Variants in OR56A3 observed in about 807,000 individuals in gnomAD.
The protein encoded by OR56A3 is olfactory receptor 56A3.
A neutral mutation model predicts 17.5 loss-of-function variants in OR56A3; 23 were observed. The observed-to-expected ratio is 1.32, with a 90% CI of 0.95 to 1.87. OR56A3 has a LOEUF of 1.87. OR56A3 is among the 40% of genes most tolerant of loss of function. OR56A3 has a pLI of 0.00. For missense variants in OR56A3, 366 were observed against 380.1 expected (o/e 0.96, Z 0.31); for synonymous variants, 175 against 150.6 (o/e 1.16, Z -1.19).
At chr11:5,966,008 T>C in the OR56A3 span, among the ~76,000 whole-genome samples, 1 of 152,032 alleles carries the variant, frequency 6.6e-6, no homozygotes, top group East Asian at 1.9e-4. Flanking sequence ...TTAGGATCAG[T>C]CTTTGAAGTT....
At chr11:6,007,488 T>C in the OR56A3 span, among the ~76,000 whole-genome samples, 4 of 152,202 alleles carry the variant, frequency 2.6e-5, no homozygotes, top group Non-Finnish European at 5.9e-5. Context: ...TGTAAAGCAA[T>C]GGATGTGCTA....
At chr11:5,986,740 A>G in the OR56A3 span, 4 of 1,613,862 alleles carry the variant, frequency 2.5e-6, no homozygotes. Context: ...GATGATGAAG[A>G]GAATGGTAAC....
At chr11:5,974,368 G>T in the OR56A3 span, among the ~76,000 whole-genome samples, 11 of 152,062 alleles carry the variant, frequency 7.2e-5, no homozygotes, top group Non-Finnish European at 8.8e-5. Context: ...GCCTCTCAAA[G>T]TGCTAGGATT....
At chr11:5,990,056 C>A in the OR56A3 span, among the ~76,000 whole-genome samples, 1 of 152,142 alleles carries the variant, frequency 6.6e-6, no homozygotes, top group Admixed American at 6.5e-5. Context: ...TATTGTAATG[C>A]CTTTACCACT....
chr11:6,011,480 T>G, the OR56A3 span, among the ~76,000 whole-genome samples: 1 of 144,170 alleles, frequency 6.9e-6, no homozygotes, highest in Non-Finnish European at 1.5e-5. Context: ...TCTAGATACC[T>G]GTATTTTATC....
chr11:5,962,666 G>A, the OR56A3 span, among the ~76,000 whole-genome samples: 1 of 151,802 alleles, frequency 6.6e-6, no homozygotes, highest in Non-Finnish European at 1.5e-5. Context: ...AGCCTCCCGA[G>A]TAGCTGGGAC....
the OR56A3 span, chr11:5,986,750 C>A: frequency 6.2e-6 from 10 of 1,613,976 alleles, no homozygotes; most frequent in Non-Finnish European, 8.5e-6. Context: ...AGAATGGTAA[C>A]ATTGCCCACT....
At chr11:6,002,332 A>G in the OR56A3 span, 1 of 1,614,180 alleles carries the variant, frequency 6.2e-7, no homozygotes, top group South Asian at 1.1e-5. Flanking sequence ...ATAAAAGAAT[A>G]GGAGATAACA....
At chr11:6,001,956 A>C in the OR56A3 span, 1 of 1,280,282 alleles carries the variant, frequency 7.8e-7, no homozygotes, top group Non-Finnish European at 1.1e-6. Context: ...CAGGATTTAA[A>C]GTGAAATTTC....
At chr11:6,000,764 C>T in the OR56A3 span, 2 of 152,136 alleles carry the variant, frequency 1.3e-5, no homozygotes, top group African/African-American at 4.8e-5. Context: ...ATGAGCAGCT[C>T]ATTTTGGCTA....
the OR56A3 span, among the ~76,000 whole-genome samples, chr11:6,015,008 A>AAAAAAAAAAAAAAAAAAAAAAAAG: frequency 6.7e-6 from 1 of 150,318 alleles, no homozygotes. Context: ...AAAAAAAAAA[A>AAAAAAAAAAAAAAAAAAAAAAAAG]AAAAAAATGA....
the OR56A3 span, among the ~76,000 whole-genome samples, chr11:6,014,334 G>A: frequency 1.3e-5 from 2 of 149,148 alleles, no homozygotes; most frequent in East Asian, 3.9e-4. Context: ...ATTGACTCAC[G>A]GGGGTGCTTT....
the OR56A3 span, among the ~76,000 whole-genome samples, chr11:5,995,476 T>C: frequency 6.6e-6 from 1 of 152,136 alleles, no homozygotes; most frequent in Non-Finnish European, 1.5e-5. Flanking sequence ...GCACCATGAC[T>C]CTTGAGTTGG....
At chr11:5,961,910 C>A in the OR56A3 span, among the ~76,000 whole-genome samples, 3 of 152,140 alleles carry the variant, frequency 2.0e-5, no homozygotes, top group Admixed American at 2.0e-4. Flanking sequence ...CCTAATTGCT[C>A]ATGCTAAGAC....
the OR56A3 span, among the ~76,000 whole-genome samples, chr11:5,981,728 G>A: frequency 2.0e-5 from 3 of 152,168 alleles, no homozygotes; most frequent in Admixed American, 6.5e-5. Flanking sequence ...GAGGTAAGAA[G>A]ATACCCTGTC....
chr11:5,974,513 C>T, the OR56A3 span, among the ~76,000 whole-genome samples: 2,271 of 152,252 alleles, frequency 0.015, 65 homozygotes, highest in African/African-American at 0.052. Flanking sequence ...AGAATGGACA[C>T]TTAACATGAG....
At chr11:6,006,763 T>G in the OR56A3 span, among the ~76,000 whole-genome samples, 1 of 152,188 alleles carries the variant, frequency 6.6e-6, no homozygotes, top group Admixed American at 6.5e-5. Flanking sequence ...GTAATGCTTG[T>G]ACCAGAACCT....
the OR56A3 span, among the ~76,000 whole-genome samples, chr11:5,978,091 T>G: frequency 6.6e-6 from 1 of 152,154 alleles, no homozygotes; most frequent in Non-Finnish European, 1.5e-5. Context: ...CAGTACTATG[T>G]TTTTTGGTTA....
At chr11:5,988,189 C>A in the OR56A3 span, among the ~76,000 whole-genome samples, 4 of 152,288 alleles carry the variant, frequency 2.6e-5, no homozygotes, top group African/African-American at 9.6e-5. Context: ...TGTCACCCCT[C>A]AAAAGGACTC....
Sources: allele counts gnomAD v4.1 joint callset (sites outside exome capture counted in the v4.1 genomes callset), GRCh38; gene constraint gnomAD v4.1.1; transcripts MANE v1.5; gene names NCBI Gene and HGNC (gene_info 2026-07-23, HGNC 2026-07-21).